CLEC16A: variants seen among roughly 807,000 people sequenced by gnomAD.
CLEC16A encodes C-type lectin domain containing 16A, also known as protein CLEC16A.
In CLEC16A, 51 loss-of-function variants were observed where a neutral mutation model predicts 109.5. That is an observed-to-expected ratio of 0.47 (90% CI 0.37 to 0.59). The LOEUF is 0.59. CLEC16A is among the 20% of genes least tolerant of loss of function. The pLI is 0.00. For synonymous variants in CLEC16A, 673 were observed against 564.2 expected, an observed-to-expected ratio of 1.19 and a Z score of -2.73; for missense variants, 1,339 against 1,394.0, an observed-to-expected ratio of 0.96 and a Z score of 0.63.
intron 22 of CLEC16A, among the ~76,000 whole-genome samples, chr16:11,135,683 G>T (rs532636317): frequency 2.0e-5 from 3 of 152,358 alleles, no homozygotes; most frequent in East Asian, 3.9e-4. Flanking sequence ...TGCAGTAGGT[G>T]GGGGGAGAGA....
rs1470993314 is a variant in CLEC16A at position 11,174,961 on chromosome 16, T to A, written c.2807-3374T>A. On this transcript the variant is annotated intron_variant, in intron 23 of 23. Coordinates refer to ENST00000409790, the MANE Select transcript of CLEC16A (RefSeq NM_015226.3). The surrounding 1 kb of genome is among the most constrained non-coding windows in gnomAD (Gnocchi z 4.7). ...TCCCCTATGACGCTTCTTCTGTGGTTTCTGATGCGCTTTTCTCCATTGGCC... is the reference window on the plus strand; with the variant it reads ...TCCCCTATGACGCTTCTTCTGTGGTATCTGATGCGCTTTTCTCCATTGGCC... Among the ~76,000 whole-genome samples, 1 of 152,258 alleles carries A rather than the reference T, an allele frequency of 6.6e-6. No individual in the cohort carries two copies. The highest frequency in any genetic ancestry group is 2.4e-5 in the African/African-American group (1 of 41,464).
chr16:11,141,269 G>A (rs1467208363), intron 22 of CLEC16A, among the ~76,000 whole-genome samples: 2 of 152,242 alleles, frequency 1.3e-5, no homozygotes, highest in Non-Finnish European at 2.9e-5. Context: ...AGCCACCATG[G>A]AAGTCACCAT....
chr16:10,947,583 G>A (rs1483036128), intron 1 of CLEC16A, among the ~76,000 whole-genome samples: 1 of 152,214 alleles, frequency 6.6e-6, no homozygotes, highest in Admixed American at 6.5e-5. Context: ...CCAGGTGGGG[G>A]CTGATAGCTG....
At chr16:10,983,302 A>G (rs896231875) in intron 10 of CLEC16A, among the ~76,000 whole-genome samples, 1 of 152,218 alleles carries the variant, frequency 6.6e-6, no homozygotes, top group Non-Finnish European at 1.5e-5. Flanking sequence ...CAGAGGAACT[A>G]ATGTCTACAG....
At chr16:11,080,154 C>T (rs181451709) in intron 19 of CLEC16A, among the ~76,000 whole-genome samples, 6 of 152,326 alleles carry the variant, frequency 3.9e-5, no homozygotes, top group East Asian at 1.9e-4. Context: ...CACTCCCGTG[C>T]GCGTCCATCC....
intron 22 of CLEC16A, among the ~76,000 whole-genome samples, chr16:11,153,955 G>A (rs1432991360): frequency 6.6e-6 from 1 of 152,150 alleles, no homozygotes; most frequent in East Asian, 1.9e-4. Flanking sequence ...TGGGTCATCT[G>A]TCAAGAAGAC....
rs2042204431 is a variant in CLEC16A at position 10,960,553 on chromosome 16, G to C, written c.210-1902G>C. 2.6e-5 allele frequency among the ~76,000 whole-genome samples: 4 copies of C among 152,264 alleles called. No individual in the cohort carries two copies. The South Asian group carries it at 8.3e-4, about 32-fold the overall frequency. On this transcript the variant is annotated intron_variant, in intron 2 of 23. Transcript: ENST00000409790. ...ACCTTTATCACCTGGTTAAGGTGCT[G>C]TCTGCCAGGTTTCTCTACTATAAAG...
At chr16:11,112,812 C>A (rs1024555698) in intron 19 of CLEC16A, among the ~76,000 whole-genome samples, 2 of 152,236 alleles carry the variant, frequency 1.3e-5, no homozygotes, top group Non-Finnish European at 2.9e-5. Context: ...GCATGCCATA[C>A]CTTCAGGGTC....
At chr16:11,163,614 A>G (rs1347408647) in intron 22 of CLEC16A, among the ~76,000 whole-genome samples, 3 of 152,202 alleles carry the variant, frequency 2.0e-5, no homozygotes, top group African/African-American at 7.2e-5. Context: ...CTCATCTGCT[A>G]CCCTACATGT....
chr16:10,985,511 T>C (rs2043589843), intron 10 of CLEC16A, among the ~76,000 whole-genome samples: 1 of 150,956 alleles, frequency 6.6e-6, no homozygotes, highest in Non-Finnish European at 1.5e-5. Flanking sequence ...TGTTAATATG[T>C]TAATAGCAAC....
intron 22 of CLEC16A, among the ~76,000 whole-genome samples, chr16:11,128,695 AG>A (rs1383326074): frequency 6.6e-6 from 1 of 152,202 alleles, no homozygotes; most frequent in African/African-American, 2.4e-5. Context: ...GTGGGAGCAT[AG>A]GCTGCCCCCA....
chr16:10,989,017 T>G (rs9888873), intron 10 of CLEC16A, among the ~76,000 whole-genome samples: 113,016 of 151,860 alleles, frequency 0.74, 42,488 homozygotes, highest in East Asian at 0.9. Flanking sequence ...CGCCCTTCAG[T>G]GGGGTGGCTT....
At chr16:10,957,726 C>G (rs2042058060) in intron 1 of CLEC16A, 56 bp from the exon 2 acceptor site, 24 of 1,587,294 alleles carry the variant, frequency 1.5e-5, no homozygotes, top group Admixed American at 8.4e-5. Flanking sequence ...GGTCATGGAA[C>G]TTGGCTTGCA....
rs58768192 is a variant in CLEC16A, at chr16:10,985,218, A to ATAT, written c.1071+2227_1071+2228insTAT. Among the ~76,000 whole-genome samples the ATAT allele has an allele frequency of 7.8e-3, 970 of 123,992 alleles. 6 individuals carry two copies. Among genetic ancestry groups the ATAT allele is most frequent in the Middle Eastern group, 0.032 (7 of 216 alleles). 81.3% of individuals were successfully genotyped at this position (123,992 alleles called of 152,430 possible). A position where few individuals can be genotyped will look rare whatever the true frequency, so the allele number is the denominator to read the frequency against. On this transcript the variant is annotated intron_variant, in intron 10 of 23. Transcript: ENST00000409790. ...ACTCCATCTCAAAAAAAAAAAAAAAAAAATATATATATATATATAGTGCCC... is the reference window on the plus strand; with the variant it reads ...ACTCCATCTCAAAAAAAAAAAAAAAATATAAATATATATATATATATAGTGCCC...
intron 10 of CLEC16A, among the ~76,000 whole-genome samples, chr16:10,984,773 C>T (rs1032970250): frequency 1.3e-5 from 2 of 152,192 alleles, no homozygotes; most frequent in Non-Finnish European, 2.9e-5. Context: ...GCTGAGTCAG[C>T]AGAATCAGCA....
chr16:11,018,774 A>G (rs2152798908), intron 11 of CLEC16A, among the ~76,000 whole-genome samples: 1 of 150,946 alleles, frequency 6.6e-6, no homozygotes, highest in East Asian at 1.9e-4. Flanking sequence ...AATGGAGACA[A>G]GCTTGGGATG....
intron 10 of CLEC16A, among the ~76,000 whole-genome samples, chr16:11,002,075 G>A (rs764045224): frequency 9.2e-5 from 14 of 152,202 alleles, no homozygotes; most frequent in Non-Finnish European, 1.6e-4. Context: ...GACACAGCTT[G>A]TGTGGCTGGT....
At position 10,982,951 on chromosome 16, in the gene CLEC16A, A is replaced by T. The variant is rs1278193295; in HGVS notation, c.1031A>T (p.Glu344Val). Residue 344 changes from glutamate to valine, a missense_variant, in exon 10 of 24, where the codon GAG (glutamate) becomes GTG (valine). By Grantham distance (121) the Glu-to-Val change is moderately radical. Transcript: ENST00000409790. ...GTCATTCTGAATGGTGATCTGTCTGAGATGTACGCTAAGACTGAACAGGAT... is the reference window on the plus strand; with the variant it reads ...GTCATTCTGAATGGTGATCTGTCTGTGATGTACGCTAAGACTGAACAGGAT... The part of the protein sequence containing the change: ...AEVILNGDLS[E>V]MYAKTEQDIQ... 1 of 1,612,206 alleles carries T rather than the reference A, an allele frequency of 6.2e-7. No homozygotes were observed. The highest frequency in any genetic ancestry group is 8.5e-7 in the Non-Finnish European group (1 of 1,178,370).
At chr16:11,055,044 C>T (rs964689185) in intron 18 of CLEC16A, among the ~76,000 whole-genome samples, 2 of 151,674 alleles carry the variant, frequency 1.3e-5, no homozygotes, top group African/African-American at 2.4e-5. Context: ...AAACAATTCT[C>T]CTGGCAAATC....
Sources: allele counts gnomAD v4.1 joint callset (sites outside exome capture counted in the v4.1 genomes callset), GRCh38; gene constraint gnomAD v4.1.1; non-coding constraint Gnocchi (gnomAD v3.1); transcripts MANE v1.5; gene names NCBI Gene and HGNC (gene_info 2026-07-23, HGNC 2026-07-21).